The following CFAP210 variants were observed in gnomAD, a reference collection of about 807,000 sequenced individuals.
CFAP210 encodes the protein cilia and flagella associated protein 210.
chr2:169,685,297 C>T, the CFAP210 span, among the ~76,000 whole-genome samples: 11 of 152,314 alleles, frequency 7.2e-5, no homozygotes, highest in Non-Finnish European at 1.5e-4. Flanking sequence ...TTTTTTCACT[C>T]ATCCTAGTGG....
chr2:169,652,579 C>T, the CFAP210 span, among the ~76,000 whole-genome samples: 2 of 152,010 alleles, frequency 1.3e-5, no homozygotes, highest in Non-Finnish European at 2.9e-5. Context: ...GGTCATTGTC[C>T]TCCACCCTGG....
chr2:169,666,536 C>T, the CFAP210 span, among the ~76,000 whole-genome samples: 1 of 151,550 alleles, frequency 6.6e-6, no homozygotes, highest in African/African-American at 2.4e-5. Context: ...TTGCTTGTCT[C>T]CTTCACTAGA....
At chr2:169,650,227 T>G in the CFAP210 span, 1 of 1,188,148 alleles carries the variant, frequency 8.4e-7, no homozygotes, top group Non-Finnish European at 1.1e-6. Context: ...GTTTTTAATA[T>G]CTTGGCTAGT....
the CFAP210 span, among the ~76,000 whole-genome samples, chr2:169,689,515 C>T: frequency 6.6e-6 from 1 of 152,140 alleles, no homozygotes; most frequent in African/African-American, 2.4e-5. Context: ...ATGTTTAGTA[C>T]ATTCTTTAGG....
chr2:169,658,907 C>A, the CFAP210 span: 1 of 171,020 alleles, frequency 5.8e-6, no homozygotes, highest in Non-Finnish European at 1.3e-5. Flanking sequence ...AGGAGGACTG[C>A]TTGACCTCAG....
At chr2:169,649,070 T>C in the CFAP210 span, 1 of 876,438 alleles carries the variant, frequency 1.1e-6, no homozygotes, top group Non-Finnish European at 1.7e-6. Context: ...GTCATAACCA[T>C]AATGACCATT....
At chr2:169,688,993 G>A in the CFAP210 span, among the ~76,000 whole-genome samples, 2 of 152,196 alleles carry the variant, frequency 1.3e-5, no homozygotes, top group Admixed American at 1.3e-4. Context: ...CACATGGCTG[G>A]GGAGGCCTCA....
the CFAP210 span, among the ~76,000 whole-genome samples, chr2:169,690,942 A>G: frequency 6.6e-6 from 1 of 152,128 alleles, no homozygotes; most frequent in East Asian, 1.9e-4. Flanking sequence ...GATGTTTTTC[A>G]TCAAATTTGG....
chr2:169,647,294 T>C, the CFAP210 span, among the ~76,000 whole-genome samples: 4 of 152,002 alleles, frequency 2.6e-5, no homozygotes, highest in South Asian at 4.1e-4. Context: ...AGAAAAATAT[T>C]GAGGGAACAG....
At chr2:169,690,727 C>T in the CFAP210 span, among the ~76,000 whole-genome samples, 1 of 151,050 alleles carries the variant, frequency 6.6e-6, no homozygotes, top group Non-Finnish European at 1.5e-5. Context: ...TATTAGCCTG[C>T]TGCCCCTGGA....
the CFAP210 span, among the ~76,000 whole-genome samples, chr2:169,661,852 A>G: frequency 4.8e-3 from 731 of 152,232 alleles, 4 homozygotes; most frequent in African/African-American, 0.017. Flanking sequence ...CAGAAAGACA[A>G]ATATATTATG....
the CFAP210 span, among the ~76,000 whole-genome samples, chr2:169,679,525 CA>C: frequency 1.8e-4 from 28 of 151,810 alleles, no homozygotes; most frequent in East Asian, 5.8e-4. Flanking sequence ...AAATAAAATA[CA>C]AAAAATTAGC....
chr2:169,649,232 T>G, the CFAP210 span: 9 of 1,613,734 alleles, frequency 5.6e-6, no homozygotes, highest in Non-Finnish European at 7.6e-6. Flanking sequence ...TTATCAGCTT[T>G]GCATTTTTTC....
the CFAP210 span, chr2:169,674,889 G>A: frequency 1.3e-6 from 2 of 1,518,074 alleles, no homozygotes; most frequent in Non-Finnish European, 1.8e-6. Flanking sequence ...CACTCTTTCT[G>A]TCTGGTAAAA....
chr2:169,679,549 C>T, the CFAP210 span, among the ~76,000 whole-genome samples: 5 of 151,944 alleles, frequency 3.3e-5, no homozygotes, highest in African/African-American at 1.2e-4. Context: ...GGCATGGTTG[C>T]AGATGCCTGT....
chr2:169,694,236 C>T, the CFAP210 span: 1 of 1,610,516 alleles, frequency 6.2e-7, no homozygotes, highest in South Asian at 1.1e-5. Context: ...CAATCCCTGT[C>T]CCTGGATAGG....
the CFAP210 span, chr2:169,658,983 T>A: frequency 1.2e-4 from 20 of 168,942 alleles, no homozygotes; most frequent in East Asian, 7.1e-4. Flanking sequence ...TAGCCAGGCA[T>A]AGTGGTGTAT....
At chr2:169,691,672 T>C in the CFAP210 span, among the ~76,000 whole-genome samples, 1 of 152,232 alleles carries the variant, frequency 6.6e-6, no homozygotes, top group Non-Finnish European at 1.5e-5. Context: ...TTTTCTTGTG[T>C]TTGGGTCATA....
At chr2:169,661,906 C>T in the CFAP210 span, among the ~76,000 whole-genome samples, 2 of 152,068 alleles carry the variant, frequency 1.3e-5, no homozygotes, top group African/African-American at 4.8e-5. Context: ...CTAGTGGAGG[C>T]AGGGACTAGA....
Sources: gnomAD v4.1 joint callset for allele counts (sites outside exome capture counted in the v4.1 genomes callset) on GRCh38, gnomAD v4.1.1 for gene constraint, MANE v1.5 for transcripts, NCBI Gene and HGNC (gene_info 2026-07-23, HGNC 2026-07-21) for gene names.